Variants in IMMP2L observed in about 807,000 individuals in gnomAD.
The protein encoded by IMMP2L is inner mitochondrial membrane peptidase subunit 2, also known as mitochondrial inner membrane protease subunit 2.
IMMP2L carries 18 observed loss-of-function variants against 19.3 expected under a neutral mutation model. The observed-to-expected ratio is 0.93, with a 90% CI of 0.64 to 1.38. The LOEUF (loss-of-function observed/expected upper bound fraction) is 1.38. Ranked by LOEUF, IMMP2L falls within the 40% of genes most tolerant of loss-of-function variation. IMMP2L has a pLI of 0.00. For missense variants in IMMP2L, 233 were observed against 218.2 expected (o/e 1.07, Z -0.43); for synonymous variants, 76 against 73.0 (o/e 1.04, Z -0.21).
intron 3 of IMMP2L, among the ~76,000 whole-genome samples, chr7:110,988,177 T>C (rs1046260205): frequency 2.0e-5 from 3 of 152,132 alleles, no homozygotes; most frequent in African/African-American, 7.2e-5. Flanking sequence ...TCAAATCCAA[T>C]CAAAGTTCAC....
intron 5 of IMMP2L, among the ~76,000 whole-genome samples, chr7:110,729,011 C>T (rs576090747): frequency 6.6e-6 from 1 of 152,156 alleles, no homozygotes; most frequent in South Asian, 2.1e-4. Flanking sequence ...CAGCCTCAGC[C>T]CCCTGAGTGA....
chr7:111,377,941 C>T (rs779746850), intron 3 of IMMP2L, among the ~76,000 whole-genome samples: 11 of 151,506 alleles, frequency 7.3e-5, no homozygotes, highest in Non-Finnish European at 1.0e-4. Flanking sequence ...ATAATTCTAA[C>T]TTAACTTAGT....
chr7:110,844,890 G>A (rs536396938), intron 5 of IMMP2L, among the ~76,000 whole-genome samples: 21 of 151,968 alleles, frequency 1.4e-4, no homozygotes, highest in Admixed American at 3.9e-4. Flanking sequence ...CATAAAAGTC[G>A]GTGGAGTCAA....
At chr7:111,321,593 T>C (rs1475505081) in intron 3 of IMMP2L, among the ~76,000 whole-genome samples, 1 of 151,888 alleles carries the variant, frequency 6.6e-6, no homozygotes, top group Non-Finnish European at 1.5e-5. Flanking sequence ...GGGAGTGATA[T>C]AAAAGGAGTC....
intron 2 of IMMP2L, among the ~76,000 whole-genome samples, chr7:111,498,325 C>T (rs1843792061): frequency 1.3e-5 from 2 of 151,990 alleles, no homozygotes; most frequent in South Asian, 4.1e-4. Flanking sequence ...CACATATAGT[C>T]AATGAAATAT....
In IMMP2L at chr7:111,164,618, C is replaced by T. The variant is rs145674191; in HGVS notation, c.240-201053G>A. ...ACAACAGTACACAGTGACCTAATAA[C>T]GCTGAGGCCCAGAAAACTGGATCCA... On this transcript the variant is annotated intron_variant, in intron 3 of 5. Coordinates refer to ENST00000405709, the MANE Select transcript of IMMP2L (RefSeq NM_032549.4). Among the ~76,000 whole-genome samples the T allele has an allele frequency of 6.6e-5, 10 of 152,162 alleles. No individual in the cohort carries two copies. In the East Asian group the frequency reaches 1.9e-3, roughly 30 times the overall value.
chr7:110,672,638 G>C (rs1312145951), intron 5 of IMMP2L, among the ~76,000 whole-genome samples: 1 of 152,168 alleles, frequency 6.6e-6, no homozygotes, highest in Non-Finnish European at 1.5e-5. Context: ...TACAGGCATT[G>C]GGTAAATACA....
chr7:111,170,983 A>C (rs983740510), intron 3 of IMMP2L, among the ~76,000 whole-genome samples: 1 of 151,872 alleles, frequency 6.6e-6, no homozygotes, highest in East Asian at 1.9e-4. Flanking sequence ...TTTGTGTCTT[A>C]TAATCAGGTT....
intron 3 of IMMP2L, among the ~76,000 whole-genome samples, chr7:111,195,366 A>C (rs1047667379): frequency 2.0e-5 from 3 of 152,102 alleles, no homozygotes; most frequent in Admixed American, 6.5e-5. Flanking sequence ...TCTCAATACA[A>C]ACTGGACGGA....
Position 111,091,173 on chromosome 7 carries a change from T to C in IMMP2L, c.240-127608A>G, listed in dbSNP as rs573760765. On this transcript the variant is annotated intron_variant, in intron 3 of 5. Coordinates refer to ENST00000405709, the MANE Select transcript of IMMP2L (RefSeq NM_032549.4). ...GTGAACGATGCACCACTAACCACCATGGAAACAAGGAAAAATAAAGCCAGC... is the reference window on the plus strand; with the variant it reads ...GTGAACGATGCACCACTAACCACCACGGAAACAAGGAAAAATAAAGCCAGC... 3.2e-3 allele frequency: 480 copies of C among 152,048 alleles called. 2 individuals are homozygous for C. Among genetic ancestry groups the C allele is most frequent in the Middle Eastern group, 0.01 (3 of 294 alleles). 9.4% of individuals were successfully genotyped at this position (152,048 alleles called of 1,614,324 possible). A position where few individuals can be genotyped will look rare whatever the true frequency, so the allele number is the denominator to read the frequency against.
chr7:111,468,437 A>T (rs1840893516), intron 3 of IMMP2L, among the ~76,000 whole-genome samples: 1 of 152,146 alleles, frequency 6.6e-6, no homozygotes, highest in Non-Finnish European at 1.5e-5. Context: ...TACTATCCAT[A>T]TTGGATGGCT....
chr7:111,485,952 C>T (rs1842623418), intron 3 of IMMP2L, among the ~76,000 whole-genome samples: 1 of 152,052 alleles, frequency 6.6e-6, no homozygotes, highest in Non-Finnish European at 1.5e-5. Flanking sequence ...GGTATCCTTT[C>T]CATCACCAAC....
Position 110,955,475 on chromosome 7 carries a change from T to C in IMMP2L, c.305+8025A>G, listed in dbSNP as rs539946353. ...CAGAGCCTAAGACATTTAATTGTACTGCTCAATCCCTTGTCTATTAAACAG... is the reference window on the plus strand; with the variant it reads ...CAGAGCCTAAGACATTTAATTGTACCGCTCAATCCCTTGTCTATTAAACAG... On this transcript the variant is annotated intron_variant, in intron 4 of 5. Coordinates refer to ENST00000405709, the MANE Select transcript of IMMP2L (RefSeq NM_032549.4). 4.6e-5 allele frequency among the ~76,000 whole-genome samples: 7 copies of C among 151,968 alleles called. No individual in the cohort carries two copies. In the South Asian group the frequency reaches 1.0e-3, roughly 23 times the overall value.
chr7:111,483,768 A>G (rs1330434981), intron 3 of IMMP2L: 1 of 152,184 alleles, frequency 6.6e-6, no homozygotes, highest in Non-Finnish European at 1.5e-5. Context: ...TAAGTGGAGA[A>G]AAGATTTCAG....
intron 3 of IMMP2L, among the ~76,000 whole-genome samples, chr7:111,429,661 A>T (rs545849387): frequency 6.6e-6 from 1 of 152,092 alleles, no homozygotes; most frequent in African/African-American, 2.4e-5. Flanking sequence ...CATCTAATTG[A>T]GCTCCAACTC....
At chr7:111,086,126 G>A (rs1796303481) in intron 3 of IMMP2L, among the ~76,000 whole-genome samples, 1 of 151,632 alleles carries the variant, frequency 6.6e-6, no homozygotes, top group African/African-American at 2.4e-5. Flanking sequence ...TAAAATAAAA[G>A]TATTTAAAAA....
intron 3 of IMMP2L, among the ~76,000 whole-genome samples, chr7:111,270,065 G>C (rs966207297): frequency 2.0e-5 from 3 of 147,096 alleles, no homozygotes; most frequent in African/African-American, 8.0e-5. Flanking sequence ...GTCTGTGTGT[G>C]TGTGTGTGTG....
chr7:111,232,436 A>G (rs1813817909), intron 3 of IMMP2L, among the ~76,000 whole-genome samples: 1 of 151,650 alleles, frequency 6.6e-6, no homozygotes, highest in South Asian at 2.1e-4. Flanking sequence ...ATAACCTGCA[A>G]TGAACCCAAC....
intron 3 of IMMP2L, among the ~76,000 whole-genome samples, chr7:110,967,511 T>C (rs977611117): frequency 6.6e-6 from 1 of 152,056 alleles, no homozygotes; most frequent in African/African-American, 2.4e-5. Context: ...GGTAGATTTT[T>C]ATATTCATAT....
Sources: allele counts gnomAD v4.1 joint callset (sites outside exome capture counted in the v4.1 genomes callset), GRCh38; gene constraint gnomAD v4.1.1; transcripts MANE v1.5; gene names NCBI Gene and HGNC (gene_info 2026-07-23, HGNC 2026-07-21).